The following SLC2A1 variants were observed in gnomAD, a reference collection of about 807,000 sequenced individuals.
The protein encoded by SLC2A1 is solute carrier family 2, facilitated glucose transporter member 1.
A neutral mutation model predicts 46.6 loss-of-function variants in SLC2A1; 4 were observed. The ratio of observed to expected loss-of-function variants is 0.09; its 90% CI spans 0.04 to 0.20. SLC2A1 has a LOEUF of 0.20. Among genes scored for constraint, SLC2A1 ranks in the 10% least tolerant of loss-of-function variants. The pLI is 1.00. For missense variants in SLC2A1, 352 were observed against 667.0 expected (o/e 0.53, Z 5.20); for synonymous variants, 253 against 270.0 (o/e 0.94, Z 0.62).
chr1:42,958,556 G>T (rs1643806706), intron 1 of SLC2A1, 78 bp downstream of exon 1: 27 of 1,273,960 alleles, frequency 2.1e-5, no homozygotes, highest in Non-Finnish European at 2.6e-5. Flanking sequence ...GGCGGCGGGG[G>T]AGGCCCTGGC....
At chr1:42,953,196 C>A (rs1432704740) in intron 1 of SLC2A1, among the ~76,000 whole-genome samples, 1 of 152,248 alleles carries the variant, frequency 6.6e-6, no homozygotes, top group Non-Finnish European at 1.5e-5. Context: ...GAGCTCTCTC[C>A]CATTCCAGGG....
At chr1:42,953,065 T>C (rs555672494) in intron 1 of SLC2A1, among the ~76,000 whole-genome samples, 1 of 152,268 alleles carries the variant, frequency 6.6e-6, no homozygotes, top group South Asian at 2.1e-4. Flanking sequence ...GATGGAGCCG[T>C]TTCCTCCCCA....
intron 2 of SLC2A1, 62 bp from the exon 3 acceptor site, chr1:42,931,268 C>T (rs2124451028): frequency 6.4e-7 from 1 of 1,555,704 alleles, no homozygotes; most frequent in South Asian, 1.2e-5. Flanking sequence ...CTTCCTTTTC[C>T]TTTCCCCTTG....
At position 42,926,058 on chromosome 1, in the gene SLC2A1, C is replaced by T. The variant is rs180945925; in HGVS notation, c.*983G>A. ...ACGTGTAAGGGACTGGATCCTGAGT[C>T]GAAGTCTAAGCCGTTGCAGTGGTTG... is the stretch of plus-strand genomic sequence containing the variant. On this transcript the variant is annotated 3_prime_UTR_variant, in exon 10 of 10. Coordinates refer to ENST00000426263, the MANE Select transcript of SLC2A1 (RefSeq NM_006516.4). 6.6e-6 allele frequency: 1 copy of T among 152,624 alleles called. No homozygotes were observed. Among genetic ancestry groups the T allele is most frequent in the East Asian group, 1.9e-4 (1 of 5,178 alleles). The allele number at this position is 152,624 out of a possible 1,614,324, so 9.5% of individuals were successfully genotyped here.
intron 1 of SLC2A1, among the ~76,000 whole-genome samples, chr1:42,948,217 C>G (rs936843388): frequency 1.3e-5 from 2 of 152,256 alleles, no homozygotes; most frequent in Non-Finnish European, 2.9e-5. Flanking sequence ...TCTCCCCCAA[C>G]GCTCGGATGC....
chr1:42,932,249 G>A (rs551381461), intron 2 of SLC2A1, among the ~76,000 whole-genome samples: 12 of 152,204 alleles, frequency 7.9e-5, no homozygotes, highest in African/African-American at 2.9e-4. Context: ...CCGTCCTAGG[G>A]CAGCCCTGCC....
intron 2 of SLC2A1, among the ~76,000 whole-genome samples, chr1:42,933,549 T>C (rs1222115191): frequency 6.6e-6 from 1 of 152,142 alleles, no homozygotes; most frequent in African/African-American, 2.4e-5. Flanking sequence ...AACCCCTTGA[T>C]TCTGCTGGGG....
chr1:42,942,898 G>A (rs990294884), intron 2 of SLC2A1: 6 of 386,220 alleles, frequency 1.6e-5, no homozygotes, highest in African/African-American at 1.2e-4. Flanking sequence ...CGGAAATGCA[G>A]CATTATTGTA....
chr1:42,947,581 CAAA>C (rs144784155), intron 1 of SLC2A1, among the ~76,000 whole-genome samples: 11 of 55,816 alleles, frequency 2.0e-4, no homozygotes, highest in South Asian at 6.6e-4. Flanking sequence ...CACACACACA[CAAA>C]AAAAAAAAAA....
At position 42,947,567 on chromosome 1, in the gene SLC2A1, CACACACACACACACAAA is replaced by C. The variant is rs539891921; in HGVS notation, c.19-4263_19-4247del. On this transcript the variant is annotated intron_variant, in intron 1 of 9. Transcript: ENST00000426263. ...TGAAACCAGGTCTCTACTAAAATTACACACACACACACACAAAAAAAAAAAAAAAAAAAAAAAAACAG... is the reference window on the plus strand; with the variant it reads ...TGAAACCAGGTCTCTACTAAAATTACAAAAAAAAAAAAAAAAAAAAAACAG... Among the ~76,000 whole-genome samples, 315 of 96,536 alleles carry C rather than the reference CACACACACACACACAAA, an allele frequency of 3.3e-3. 3 individuals are homozygous for C. Among genetic ancestry groups the C allele is most frequent in the East Asian group, 0.026 (91 of 3,458 alleles). 63.3% of individuals were successfully genotyped at this position (96,536 alleles called of 152,430 possible). A position where few individuals can be genotyped will look rare whatever the true frequency, so the allele number is the denominator to read the frequency against.
At chr1:42,935,825 G>T (rs1176151718) in intron 2 of SLC2A1, among the ~76,000 whole-genome samples, 5 of 152,170 alleles carry the variant, frequency 3.3e-5, no homozygotes, top group South Asian at 2.1e-4. Flanking sequence ...TGTAAGTAGG[G>T]AGCATGCAAG....
At position 42,930,103 on chromosome 1, in the gene SLC2A1, G is replaced by C. The variant is rs1417290688; in HGVS notation, c.517-68C>G. Reference sequence around the variant, plus strand: ...TTTCCCACCCCGTCCTGCCAGAGTGGCCTTCCCTACTTTGTGTCAGCTGCT... The same window carrying C: ...TTTCCCACCCCGTCCTGCCAGAGTGCCCTTCCCTACTTTGTGTCAGCTGCT... On this transcript the variant is annotated intron_variant, in intron 4 of 9. Transcript: ENST00000426263. This position sits in a 1 kb window ranked among gnomAD's most constrained non-coding sequence, Gnocchi z 6.2. 1 of 1,572,392 alleles carries C rather than the reference G, an allele frequency of 6.4e-7. No homozygotes were observed. Among genetic ancestry groups the C allele is most frequent in the African/African-American group, 1.4e-5 (1 of 74,016 alleles).
rs572182656 is a variant in SLC2A1 at position 42,957,955 on chromosome 1, C to G, written c.18+679G>C. The stretch of plus-strand genomic sequence containing the variant: ...CTGGGCCAAAGCTTTGGGGCCTGCA[C>G]TCCTCGCAAAGGAGAGCCTCCGAGA... On this transcript the variant is annotated intron_variant, in intron 1 of 9. Coordinates refer to ENST00000426263, the MANE Select transcript of SLC2A1 (RefSeq NM_006516.4). 1.2e-3 allele frequency among the ~76,000 whole-genome samples: 190 copies of G among 152,216 alleles called. 2 individuals carry two copies. The highest frequency in any genetic ancestry group is 6.0e-3 in the Admixed American group (92 of 15,288).
rs2124449707 is a variant in SLC2A1, at chr1:42,930,317, G to C, written c.517-282C>G. 1.6e-6 allele frequency: 1 copy of C among 626,382 alleles called. No individual in the cohort carries two copies. Among genetic ancestry groups the C allele is most frequent in the South Asian group, 1.9e-5 (1 of 52,252 alleles). The allele number at this position is 626,382 out of a possible 1,614,324, so 38.8% of individuals were successfully genotyped here. A position where few individuals can be genotyped will look rare whatever the true frequency, so the allele number is the denominator to read the frequency against. On this transcript the variant is annotated intron_variant, in intron 4 of 9. Transcript: ENST00000426263. This position sits in a 1 kb window ranked among gnomAD's most constrained non-coding sequence, Gnocchi z 6.2. ...CTACTCTGCCACAAGAGGGTTTTGGGGACAGGGAAGGGGAAGCCTCCTGGA... is the reference window on the plus strand; with the variant it reads ...CTACTCTGCCACAAGAGGGTTTTGGCGACAGGGAAGGGGAAGCCTCCTGGA...
rs1448379873 is a variant in SLC2A1, at chr1:42,929,041, CAG to C, written c.973-10_973-9del. 10 of 1,612,442 alleles carry C rather than the reference CAG, an allele frequency of 6.2e-6. No individual in the cohort carries two copies. The highest frequency in any genetic ancestry group is 8.5e-6 in the Non-Finnish European group (10 of 1,179,612). ...TCGCTCCACCACAAACAGCTGTGGG[CAG>C]AGACAGTGTCAGTGCCACCCCTGCC... On this transcript the variant is annotated splice_polypyrimidine_tract_variant and intron_variant, in intron 7 of 9. Coordinates refer to ENST00000426263, the MANE Select transcript of SLC2A1 (RefSeq NM_006516.4). This position sits in a 1 kb window ranked among gnomAD's most constrained non-coding sequence, Gnocchi z 6.0.
chr1:42,933,370 T>C (rs1570595578), intron 2 of SLC2A1, among the ~76,000 whole-genome samples: 1 of 152,134 alleles, frequency 6.6e-6, no homozygotes, highest in East Asian at 1.9e-4. Flanking sequence ...AAGGTACCCC[T>C]GGCCTTATTG....
chr1:42,940,959 C>A (rs1370678399), intron 2 of SLC2A1, among the ~76,000 whole-genome samples: 1 of 152,148 alleles, frequency 6.6e-6, no homozygotes, highest in African/African-American at 2.4e-5. Context: ...CACACCTGCT[C>A]CTTCTTCAAA....
At chr1:42,958,266 G>A (rs1220340639) in intron 1 of SLC2A1, among the ~76,000 whole-genome samples, 1 of 151,404 alleles carries the variant, frequency 6.6e-6, no homozygotes, top group Non-Finnish European at 1.5e-5. Context: ...GCACCGGGAG[G>A]GGCCGAGGCT....
chr1:42,928,850 T>G, intron 8 of SLC2A1, 82 bp downstream of exon 8: 1 of 1,266,986 alleles, frequency 7.9e-7, no homozygotes, highest in Non-Finnish European at 1.2e-6. Context: ...CCTGCCAGCC[T>G]GGGGCTGAGA....
Sources: gnomAD v4.1 joint callset for allele counts (sites outside exome capture counted in the v4.1 genomes callset) on GRCh38, gnomAD v4.1.1 for gene constraint, Gnocchi (gnomAD v3.1) non-coding constraint, MANE v1.5 for transcripts, NCBI Gene and HGNC (gene_info 2026-07-23, HGNC 2026-07-21) for gene names.